The following KCNQ3 variants were observed in gnomAD, a reference collection of about 807,000 sequenced individuals.
The protein encoded by KCNQ3 is potassium voltage-gated channel subfamily KQT member 3.
Under a neutral mutation model 92.5 loss-of-function variants are expected in KCNQ3, and 30 were observed. That is an observed-to-expected ratio of 0.32 (90% CI 0.24 to 0.44). The LOEUF (loss-of-function observed/expected upper bound fraction) is 0.44, where lower values mean the gene tolerates loss of function less well. Among genes scored for constraint, KCNQ3 ranks in the 20% least tolerant of loss-of-function variants. KCNQ3 has a pLI of 1.00. For synonymous variants in KCNQ3, 450 were observed against 468.8 expected, an observed-to-expected ratio of 0.96 and a Z score of 0.52; for missense variants, 913 against 1,140.3, an observed-to-expected ratio of 0.80 and a Z score of 2.87.
chr8:132,319,765 A>G (rs1024746125), intron 1 of KCNQ3, among the ~76,000 whole-genome samples: 2 of 152,218 alleles, frequency 1.3e-5, no homozygotes, highest in Non-Finnish European at 2.9e-5. Context: ...TGGGCTTTCC[A>G]TCGCTCTAAT....
At chr8:132,197,400 G>A (rs956119048) in intron 1 of KCNQ3, among the ~76,000 whole-genome samples, 4 of 152,140 alleles carry the variant, frequency 2.6e-5, no homozygotes, top group East Asian at 3.9e-4. Context: ...CAACACCTTC[G>A]CTCTATCCCT....
At chr8:132,409,279 G>C (rs955203040) in intron 1 of KCNQ3, among the ~76,000 whole-genome samples, 8 of 151,982 alleles carry the variant, frequency 5.3e-5, no homozygotes, top group African/African-American at 1.9e-4. Flanking sequence ...ACAAACTTAA[G>C]TTGAGCTCCT....
chr8:132,474,118 C>A (rs926181039), intron 1 of KCNQ3, among the ~76,000 whole-genome samples: 1 of 152,174 alleles, frequency 6.6e-6, no homozygotes, highest in African/African-American at 2.4e-5. Flanking sequence ...AAGCCAGCAT[C>A]TTTTCACTAA....
At chr8:132,374,843 C>T (rs535278407) in intron 1 of KCNQ3, among the ~76,000 whole-genome samples, 2 of 152,182 alleles carry the variant, frequency 1.3e-5, no homozygotes, top group Admixed American at 1.3e-4. Flanking sequence ...CATCTTCCTG[C>T]AAAAGACATG....
intron 1 of KCNQ3, among the ~76,000 whole-genome samples, chr8:132,355,071 G>A (rs937541614): frequency 6.6e-6 from 1 of 152,068 alleles, no homozygotes; most frequent in Non-Finnish European, 1.5e-5. Flanking sequence ...AGAGAGAAAT[G>A]TTCCTTGTTC....
intron 1 of KCNQ3, among the ~76,000 whole-genome samples, chr8:132,324,832 G>A (rs985181604): frequency 4.6e-5 from 7 of 152,146 alleles, no homozygotes; most frequent in South Asian, 2.1e-4. Flanking sequence ...TCCAGAGCCC[G>A]GCGGTTGCCA....
At chr8:132,249,364 G>T (rs575963301) in intron 1 of KCNQ3, among the ~76,000 whole-genome samples, 2 of 152,108 alleles carry the variant, frequency 1.3e-5, no homozygotes, top group Non-Finnish European at 2.9e-5. Context: ...TGATTGGTGC[G>T]TTTACAATCC....
At chr8:132,411,222 G>T (rs548246857) in intron 1 of KCNQ3, among the ~76,000 whole-genome samples, 20 of 152,298 alleles carry the variant, frequency 1.3e-4, no homozygotes, top group African/African-American at 4.6e-4. Context: ...ATTCAATGTT[G>T]CCTGAGGGAG....
chr8:132,392,103 C>T (rs952438111), intron 1 of KCNQ3, among the ~76,000 whole-genome samples: 2 of 152,146 alleles, frequency 1.3e-5, no homozygotes, highest in African/African-American at 2.4e-5. Flanking sequence ...CTACAGCATC[C>T]GGCCTCCCCC....
intron 1 of KCNQ3, among the ~76,000 whole-genome samples, chr8:132,329,267 C>T (rs1467306580): frequency 6.6e-6 from 1 of 152,154 alleles, no homozygotes; most frequent in Non-Finnish European, 1.5e-5. Context: ...GGTGAGGCAC[C>T]CCCAAGTGCT....
chr8:132,174,230 G>T lies in KCNQ3; in HGVS notation c.1044+9C>A. The T allele has an allele frequency of 6.5e-7, 1 of 1,544,882 alleles. No homozygotes were observed. The highest frequency in any genetic ancestry group is 8.8e-7 in the Non-Finnish European group (1 of 1,141,732). On this transcript the variant is annotated intron_variant, in intron 6 of 14. Coordinates refer to ENST00000388996, the MANE Select transcript of KCNQ3 (RefSeq NM_004519.4). The stretch of plus-strand genomic sequence containing the variant: ...CACATTGGGGATGTCATATATCAAA[G>T]GTACTTACCGCTGGAAGGGCAAAAA...
intron 1 of KCNQ3, among the ~76,000 whole-genome samples, chr8:132,376,978 G>A (rs940064304): frequency 2.6e-5 from 4 of 152,296 alleles, no homozygotes; most frequent in Non-Finnish European, 4.4e-5. Flanking sequence ...AGGACACAAC[G>A]AAGGAGAGAG....
intron 1 of KCNQ3, among the ~76,000 whole-genome samples, chr8:132,345,376 G>A (rs937232427): frequency 6.6e-6 from 1 of 152,202 alleles, no homozygotes; most frequent in African/African-American, 2.4e-5. Flanking sequence ...GATGGTCCAG[G>A]AACGTACTCA....
intron 12 of KCNQ3, 141 bp downstream of exon 12, chr8:132,137,744 C>T (rs911926798): frequency 1.9e-6 from 2 of 1,035,170 alleles, no homozygotes; most frequent in East Asian, 2.5e-5. Flanking sequence ...TTGGCCTAGA[C>T]ATCCACAAGG....
At chr8:132,381,724 C>T (rs1819755914) in intron 1 of KCNQ3, among the ~76,000 whole-genome samples, 1 of 152,168 alleles carries the variant, frequency 6.6e-6, no homozygotes, top group African/African-American at 2.4e-5. Context: ...GTGATGGATG[C>T]AGAAGGAGCA....
intron 1 of KCNQ3, among the ~76,000 whole-genome samples, chr8:132,371,048 CCCT>C (rs1819458882): frequency 6.6e-6 from 1 of 152,180 alleles, no homozygotes; most frequent in Non-Finnish European, 1.5e-5. Flanking sequence ...TTGGGAATAT[CCCT>C]CGTTTCCTGG....
At chr8:132,208,557 C>G (rs191916187) in intron 1 of KCNQ3, among the ~76,000 whole-genome samples, 3 of 151,308 alleles carry the variant, frequency 2.0e-5, no homozygotes, top group African/African-American at 7.4e-5. Flanking sequence ...TCTAGGAGAG[C>G]CTTGAGAAAG....
intron 1 of KCNQ3, among the ~76,000 whole-genome samples, chr8:132,376,398 C>T (rs1819610451): frequency 6.6e-6 from 1 of 152,178 alleles, no homozygotes; most frequent in South Asian, 2.1e-4. Flanking sequence ...CTAAGTGCTT[C>T]CGTACAGTCC....
In KCNQ3 at chr8:132,415,220, G is replaced by A. The variant is rs531993581; in HGVS notation, c.386+64927C>T. Among the ~76,000 whole-genome samples the A allele has an allele frequency of 1.2e-4, 19 of 152,300 alleles. No homozygotes were observed. The East Asian group carries it at 2.5e-3, about 20-fold the overall frequency. ...TTTCATTTCTACTCCTGCAGCCTGC[G>A]TTTCCTCCCAGGTCTGCTCCTCAGC... On this transcript the variant is annotated intron_variant, in intron 1 of 14. Coordinates refer to ENST00000388996, the MANE Select transcript of KCNQ3 (RefSeq NM_004519.4).
Sources: allele counts gnomAD v4.1 joint callset (sites outside exome capture counted in the v4.1 genomes callset), GRCh38; gene constraint gnomAD v4.1.1; transcripts MANE v1.5; gene names NCBI Gene and HGNC (gene_info 2026-07-23, HGNC 2026-07-21).